Variants in CNOT6 observed in about 807,000 individuals in gnomAD.
CNOT6 encodes the protein carbon catabolite repression 4 protein.
CNOT6 carries 12 observed loss-of-function variants against 61.2 expected under a neutral mutation model. That is an observed-to-expected ratio of 0.20 (90% CI 0.13 to 0.32). The LOEUF is 0.32. Among genes scored for constraint, CNOT6 ranks in the 10% least tolerant of loss-of-function variants. The pLI is 1.00. For missense variants in CNOT6, 405 were observed against 663.9 expected (o/e 0.61, Z 4.28); for synonymous variants, 225 against 240.6 (o/e 0.94, Z 0.60).
chr5:180,500,485 T>A (rs1561628421), intron 1 of CNOT6, among the ~76,000 whole-genome samples: 2 of 150,144 alleles, frequency 1.3e-5, no homozygotes, highest in Non-Finnish European at 3.0e-5. Flanking sequence ...TTGCCCAGGC[T>A]AGAGTGCAGT....
rs1420608374 is a variant in CNOT6, at chr5:180,577,841, G to A, written c.*3641G>A. ...ACTGGCAGTAACAAGGGCTTTTACTGTTCTGTTCAGTGGAACCTTCTTGGT... is the reference window on the plus strand; with the variant it reads ...ACTGGCAGTAACAAGGGCTTTTACTATTCTGTTCAGTGGAACCTTCTTGGT... On this transcript the variant is annotated 3_prime_UTR_variant, in exon 12 of 12. Coordinates refer to ENST00000261951, the MANE Select transcript of CNOT6 (RefSeq NM_001370472.1). The A allele has an allele frequency of 6.6e-6, 1 of 152,614 alleles. No homozygotes were observed. Among genetic ancestry groups the A allele is most frequent in the East Asian group, 1.9e-4 (1 of 5,206 alleles). The allele number at this position is 152,614 out of a possible 1,614,324, so 9.5% of individuals were successfully genotyped here. A position where few individuals can be genotyped will look rare whatever the true frequency, so the allele number is the denominator to read the frequency against.
rs1338544883 is a variant in CNOT6, at chr5:180,577,191, G to GTGTGTGTGTGTGTGTT, written c.*2996_*2997insGTGTGTGTGTTTGTGT. 5 of 152,092 alleles carry GTGTGTGTGTGTGTGTT rather than the reference G, an allele frequency of 3.3e-5. No homozygotes were observed. Among genetic ancestry groups the GTGTGTGTGTGTGTGTT allele is most frequent in the African/African-American group, 1.2e-4 (5 of 41,098 alleles). 9.4% of individuals were successfully genotyped at this position (152,092 alleles called of 1,614,324 possible). On this transcript the variant is annotated 3_prime_UTR_variant, in exon 12 of 12. Transcript: ENST00000261951. ...TGTGTGTGTGTGTGTGTGTGTGTGT[G>GTGTGTGTGTGTGTGTT]TGTGTTTAATATGATTTAGTGACAA...
chr5:180,524,360 G>C (rs144465527), intron 1 of CNOT6, among the ~76,000 whole-genome samples: 3 of 152,176 alleles, frequency 2.0e-5, no homozygotes, highest in African/African-American at 7.2e-5. Flanking sequence ...AATCTGCAGT[G>C]CTATACTTTG....
At chr5:180,549,794 T>C in intron 2 of CNOT6, 137 bp from the exon 3 acceptor site, 1 of 618,044 alleles carries the variant, frequency 1.6e-6, no homozygotes, top group South Asian at 2.2e-5. Context: ...TAGGTAAGAT[T>C]TCCTGTTAAC....
chr5:180,575,667 A>C lies in CNOT6; in HGVS notation c.*1467A>C, dbSNP rs1220145800. On this transcript the variant is annotated 3_prime_UTR_variant, in exon 12 of 12. Transcript: ENST00000261951. ...TGCCCATAGTGCCATTTAGAGATGAAAACCAGCTTTAACTTTGCAAAGTGA... is the reference window on the plus strand; with the variant it reads ...TGCCCATAGTGCCATTTAGAGATGACAACCAGCTTTAACTTTGCAAAGTGA... 1 of 152,580 alleles carries C rather than the reference A, an allele frequency of 6.6e-6. No homozygotes were observed. Among genetic ancestry groups the C allele is most frequent in the African/African-American group, 2.4e-5 (1 of 41,434 alleles). 9.5% of individuals were successfully genotyped at this position (152,580 alleles called of 1,614,324 possible).
intron 7 of CNOT6, among the ~76,000 whole-genome samples, chr5:180,566,793 C>T (rs1760485973): frequency 6.6e-6 from 1 of 151,760 alleles, no homozygotes; most frequent in South Asian, 2.1e-4. Flanking sequence ...GCTGGGATTA[C>T]AGGCATGCAC....
intron 3 of CNOT6, among the ~76,000 whole-genome samples, chr5:180,552,301 G>A (rs1272496979): frequency 6.6e-6 from 1 of 151,974 alleles, no homozygotes; most frequent in Non-Finnish European, 1.5e-5. Flanking sequence ...TCATTTAAAT[G>A]TCAAAAACCA....
At chr5:180,529,461 T>C (rs761927735) in intron 2 of CNOT6, 73 bp downstream of exon 2, 4 of 787,438 alleles carry the variant, frequency 5.1e-6, no homozygotes, top group Non-Finnish European at 8.6e-6. Context: ...CTAATGCCAA[T>C]ACAGGAAAGA....
intron 4 of CNOT6, among the ~76,000 whole-genome samples, chr5:180,558,529 C>G (rs1257388872): frequency 2.5e-5 from 3 of 122,442 alleles, no homozygotes; most frequent in Non-Finnish European, 5.8e-5. Flanking sequence ...AAACAAAAAA[C>G]CTGCTATTGC....
chr5:180,540,489 A>G (rs984128008), intron 2 of CNOT6, among the ~76,000 whole-genome samples: 4 of 152,216 alleles, frequency 2.6e-5, no homozygotes, highest in African/African-American at 9.6e-5. Flanking sequence ...TGGAGTACCC[A>G]TATGACCATT....
chr5:180,554,005 A>G (rs1759746679), intron 4 of CNOT6, among the ~76,000 whole-genome samples: 2 of 152,262 alleles, frequency 1.3e-5, no homozygotes, highest in Non-Finnish European at 2.9e-5. Flanking sequence ...TTTTGACAGT[A>G]TGTCAATGCC....
At chr5:180,510,133 C>CTT (rs1561633413) in intron 1 of CNOT6, among the ~76,000 whole-genome samples, 1 of 73,066 alleles carries the variant, frequency 1.4e-5, no homozygotes, top group Admixed American at 1.8e-4. Context: ...CGTCTGTAAA[C>CTT]CTTTTTTTTT....
intron 1 of CNOT6, among the ~76,000 whole-genome samples, chr5:180,525,538 C>CA (rs56234526): frequency 0.019 from 1,560 of 83,418 alleles, 12 homozygotes; most frequent in African/African-American, 0.051. Flanking sequence ...GACCCTGTCT[C>CA]AAAAAAAAAA....
chr5:180,515,272 G>A (rs1757583177), intron 1 of CNOT6, among the ~76,000 whole-genome samples: 1 of 151,548 alleles, frequency 6.6e-6, no homozygotes, highest in Admixed American at 6.6e-5. Flanking sequence ...AAAAAAGAAA[G>A]AAAAAAACAG....
At chr5:180,571,069 A>G (rs1374777172) in intron 10 of CNOT6, among the ~76,000 whole-genome samples, 161 bp from the exon 11 acceptor site, 1 of 152,260 alleles carries the variant, frequency 6.6e-6, no homozygotes, top group Non-Finnish European at 1.5e-5. Context: ...CTCTGTGATG[A>G]CAACTGTGTA....
intron 1 of CNOT6, among the ~76,000 whole-genome samples, chr5:180,497,649 G>A (rs896353529): frequency 2.6e-5 from 4 of 152,106 alleles, no homozygotes; most frequent in African/African-American, 9.7e-5. Flanking sequence ...GTTTTACTGG[G>A]AAAACCAAAG....
At chr5:180,538,101 G>A in intron 2 of CNOT6, among the ~76,000 whole-genome samples, 1 of 147,796 alleles carries the variant, frequency 6.8e-6, no homozygotes, top group Non-Finnish European at 1.5e-5. Flanking sequence ...TGCAGTGGCT[G>A]GATCTCCGCA....
At chr5:180,541,858 A>G (rs114062052) in intron 2 of CNOT6, among the ~76,000 whole-genome samples, 2,866 of 146,854 alleles carry the variant, frequency 0.02, 38 homozygotes, top group Non-Finnish European at 0.028. Context: ...AAATTTTTTT[A>G]GCAGACGGGG....
intron 2 of CNOT6, among the ~76,000 whole-genome samples, chr5:180,531,745 G>T (rs531504454): frequency 3.3e-5 from 5 of 152,372 alleles, no homozygotes; most frequent in African/African-American, 9.6e-5. Context: ...CACCTCGGGA[G>T]GCCGAGGCAG....
Sources: allele counts gnomAD v4.1 joint callset (sites outside exome capture counted in the v4.1 genomes callset), GRCh38; gene constraint gnomAD v4.1.1; transcripts MANE v1.5; gene names NCBI Gene and HGNC (gene_info 2026-07-23, HGNC 2026-07-21).